The following SLC24A3 variants were observed in gnomAD, a reference collection of about 807,000 sequenced individuals.
SLC24A3 encodes the protein sodium/potassium/calcium exchanger 3.
SLC24A3 carries 28 observed loss-of-function variants against 75.8 expected under a neutral mutation model. That is an observed-to-expected ratio of 0.37 (90% CI 0.27 to 0.51). The LOEUF is 0.51. Among genes scored for constraint, SLC24A3 ranks in the 20% least tolerant of loss-of-function variants. The pLI is 0.94. For synonymous variants in SLC24A3, 372 were observed against 334.1 expected (o/e 1.11, Z -1.24); for missense variants, 663 against 847.8 (o/e 0.78, Z 2.71).
intron 1 of SLC24A3, among the ~76,000 whole-genome samples, chr20:19,222,943 CT>C (rs200271981): frequency 0.012 from 1,753 of 152,128 alleles, 50 homozygotes; most frequent in African/African-American, 0.041. Flanking sequence ...CCCCATACCC[CT>C]TTTTTTAATT....
chr20:19,568,895 G>A (rs2031004151), intron 3 of SLC24A3, among the ~76,000 whole-genome samples: 2 of 152,176 alleles, frequency 1.3e-5, no homozygotes, highest in South Asian at 4.2e-4. Flanking sequence ...AATAGAGGGA[G>A]AGATAGATAC....
At chr20:19,424,765 A>AC (rs1986976422) in intron 2 of SLC24A3, among the ~76,000 whole-genome samples, 2 of 145,362 alleles carry the variant, frequency 1.4e-5, no homozygotes, top group South Asian at 2.2e-4. Context: ...AAAAAAAAAA[A>AC]AAAAAACTTG....
chr20:19,504,941 A>G (rs2122546334), intron 2 of SLC24A3, among the ~76,000 whole-genome samples: 1 of 152,338 alleles, frequency 6.6e-6, no homozygotes, highest in Non-Finnish European at 1.5e-5. Flanking sequence ...ATTATTCATG[A>G]GATTGCTGTA....
chr20:19,640,008 C>T (rs189994154), intron 6 of SLC24A3, among the ~76,000 whole-genome samples: 96 of 152,344 alleles, frequency 6.3e-4, no homozygotes, highest in African/African-American at 2.3e-3. Context: ...TTCCCGCTGG[C>T]GCCTCTCCCT....
chr20:19,500,675 T>G (rs1988371147), intron 2 of SLC24A3, among the ~76,000 whole-genome samples: 1 of 152,198 alleles, frequency 6.6e-6, no homozygotes, highest in South Asian at 2.1e-4. Flanking sequence ...GATATTAAAT[T>G]CCTTTCCATC....
At chr20:19,622,395 C>T (rs1362913909) in intron 6 of SLC24A3, among the ~76,000 whole-genome samples, 1 of 152,144 alleles carries the variant, frequency 6.6e-6, no homozygotes, top group East Asian at 1.9e-4. Context: ...CTTTAGTGAG[C>T]TGGTAAAAGT....
At chr20:19,619,844 G>A (rs1194065785) in intron 6 of SLC24A3, among the ~76,000 whole-genome samples, 1 of 152,188 alleles carries the variant, frequency 6.6e-6, no homozygotes, top group Non-Finnish European at 1.5e-5. Context: ...ATTATGAGAT[G>A]GCCGTGCGGG....
intron 2 of SLC24A3, among the ~76,000 whole-genome samples, chr20:19,415,687 G>A (rs1986815943): frequency 6.6e-6 from 1 of 151,356 alleles, no homozygotes; most frequent in Non-Finnish European, 1.5e-5. Context: ...CAGGGATTTC[G>A]GCTTTCTCTT....
chr20:19,629,115 C>G (rs1463005338), intron 6 of SLC24A3, among the ~76,000 whole-genome samples: 1 of 151,632 alleles, frequency 6.6e-6, no homozygotes, highest in Non-Finnish European at 1.5e-5. Flanking sequence ...CATAAAAATG[C>G]CCAATGAGCT....
intron 2 of SLC24A3, among the ~76,000 whole-genome samples, chr20:19,397,844 C>T (rs1464169915): frequency 6.6e-6 from 1 of 151,790 alleles, no homozygotes; most frequent in Non-Finnish European, 1.5e-5. Context: ...GGAGGAGGAG[C>T]TCTAGGGCAA....
At chr20:19,662,236 C>A (rs1222897707) in intron 7 of SLC24A3, among the ~76,000 whole-genome samples, 1 of 152,142 alleles carries the variant, frequency 6.6e-6, no homozygotes, top group Non-Finnish European at 1.5e-5. Flanking sequence ...ACCAACAGGG[C>A]ACAGAGAGAA....
At chr20:19,627,847 A>C (rs1186585462) in intron 6 of SLC24A3, among the ~76,000 whole-genome samples, 1 of 152,150 alleles carries the variant, frequency 6.6e-6, no homozygotes, top group Non-Finnish European at 1.5e-5. Flanking sequence ...GTATATTAGC[A>C]CAGGTAGGAG....
chr20:19,275,178 A>G (rs918536707), intron 1 of SLC24A3, among the ~76,000 whole-genome samples: 8 of 152,168 alleles, frequency 5.3e-5, no homozygotes, highest in Admixed American at 3.9e-4. Context: ...AGGAGCTGCT[A>G]TGCCCCTAAG....
intron 2 of SLC24A3, among the ~76,000 whole-genome samples, chr20:19,294,520 G>A (rs1185367851): frequency 6.6e-6 from 1 of 152,064 alleles, no homozygotes; most frequent in East Asian, 1.9e-4. Flanking sequence ...CTTACATGTG[G>A]GAACATGCAG....
intron 2 of SLC24A3, among the ~76,000 whole-genome samples, chr20:19,484,795 A>C (rs1239326611): frequency 1.3e-5 from 2 of 152,172 alleles, no homozygotes; most frequent in Non-Finnish European, 2.9e-5. Context: ...TAGACTACTG[A>C]GCTGTTCATT....
intron 2 of SLC24A3, among the ~76,000 whole-genome samples, chr20:19,467,325 C>T (rs1363164681): frequency 6.6e-6 from 1 of 152,178 alleles, no homozygotes; most frequent in Non-Finnish European, 1.5e-5. Context: ...AGAAAAACTC[C>T]AAACGGGTGG....
chr20:19,405,285 G>A (rs1419940456), intron 2 of SLC24A3, among the ~76,000 whole-genome samples: 1 of 152,148 alleles, frequency 6.6e-6, no homozygotes, highest in Admixed American at 6.5e-5. Flanking sequence ...CAGGACTTGG[G>A]ATTCTCATGT....
chr20:19,546,290 C>T (rs1256375395), intron 3 of SLC24A3, among the ~76,000 whole-genome samples: 1 of 151,936 alleles, frequency 6.6e-6, no homozygotes, highest in African/African-American at 2.4e-5. Flanking sequence ...ATCCTCTCTC[C>T]CTACACCCCT....
At chr20:19,412,891 A>T (rs551530788) in intron 2 of SLC24A3, among the ~76,000 whole-genome samples, 4 of 152,144 alleles carry the variant, frequency 2.6e-5, no homozygotes, top group African/African-American at 9.7e-5. Flanking sequence ...CTTCTCTTTG[A>T]TGTATCTCTG....
Sources: gnomAD v4.1 joint callset for allele counts (sites outside exome capture counted in the v4.1 genomes callset) on GRCh38, gnomAD v4.1.1 for gene constraint, MANE v1.5 for transcripts, NCBI Gene and HGNC (gene_info 2026-07-23, HGNC 2026-07-21) for gene names.